The following STAU2 variants were observed in gnomAD, a reference collection of about 807,000 sequenced individuals.
STAU2 encodes double-stranded RNA-binding protein Staufen homolog 2.
STAU2 carries 20 observed loss-of-function variants against 65.9 expected under a neutral mutation model. The observed-to-expected ratio is 0.30, with a 90% CI of 0.21 to 0.44. The LOEUF (loss-of-function observed/expected upper bound fraction) is 0.44, where lower values mean the gene tolerates loss of function less well. STAU2 is among the 20% of genes least tolerant of loss of function. The pLI, the probability that STAU2 is intolerant of heterozygous loss-of-function variation, is 1.00. For synonymous variants in STAU2, 232 were observed against 233.9 expected, an observed-to-expected ratio of 0.99 and a Z score of 0.07; for missense variants, 558 against 683.9, an observed-to-expected ratio of 0.82 and a Z score of 2.05.
intron 13 of STAU2, among the ~76,000 whole-genome samples, chr8:73,498,178 C>T (rs922043767): frequency 7.9e-5 from 12 of 151,810 alleles, no homozygotes; most frequent in African/African-American, 2.4e-4. Context: ...AAAAGGTAAA[C>T]ATTATTGCTA....
At chr8:73,736,648 C>A (rs1806451023) in intron 3 of STAU2, among the ~76,000 whole-genome samples, 2 of 152,030 alleles carry the variant, frequency 1.3e-5, no homozygotes, top group Non-Finnish European at 2.9e-5. Flanking sequence ...AACTGAAGCA[C>A]TGAGATTATT....
chr8:73,450,469 G>A (rs558679731), intron 13 of STAU2, among the ~76,000 whole-genome samples: 1 of 152,232 alleles, frequency 6.6e-6, no homozygotes, highest in East Asian at 1.9e-4. Context: ...TCCAAGGAGA[G>A]GAAACTAAAG....
At chr8:73,639,414 A>G (rs1814791995) in intron 6 of STAU2, among the ~76,000 whole-genome samples, 1 of 152,102 alleles carries the variant, frequency 6.6e-6, no homozygotes, top group Non-Finnish European at 1.5e-5. Context: ...ATTTATTACC[A>G]AAACATCTGG....
At chr8:73,495,189 A>C (rs1449991495) in intron 13 of STAU2, among the ~76,000 whole-genome samples, 1 of 151,532 alleles carries the variant, frequency 6.6e-6, no homozygotes, top group African/African-American at 2.4e-5. Flanking sequence ...GTAATGCAAA[A>C]ATATCATGTA....
chr8:73,516,490 A>C (rs1162624867), intron 13 of STAU2, among the ~76,000 whole-genome samples: 1 of 152,192 alleles, frequency 6.6e-6, no homozygotes, highest in Non-Finnish European at 1.5e-5. Context: ...AATTAACTAA[A>C]GGGTATTTAA....
At chr8:73,647,565 C>T (rs1801941093) in intron 6 of STAU2, among the ~76,000 whole-genome samples, 1 of 150,402 alleles carries the variant, frequency 6.6e-6, no homozygotes, top group African/African-American at 2.4e-5. Flanking sequence ...TTTGTGGTGA[C>T]AGAATAATTC....
Position 73,552,336 on chromosome 8 carries a change from G to A in STAU2, c.1223-17C>T, listed in dbSNP as rs1162970796. On this transcript the variant is annotated splice_polypyrimidine_tract_variant and intron_variant, in intron 12 of 14. Coordinates refer to ENST00000524300, the MANE Select transcript of STAU2 (RefSeq NM_001164380.2). ...CTTTTGGAGCTATAAATAAAATGAA[G>A]AACACTGTTATTACACTTAAAATAA... The A allele has an allele frequency of 6.3e-7, 1 of 1,599,448 alleles. No homozygotes were observed. Among genetic ancestry groups the A allele is most frequent in the East Asian group, 2.2e-5 (1 of 44,570 alleles).
intron 3 of STAU2, among the ~76,000 whole-genome samples, chr8:73,721,754 T>C (rs1457802170): frequency 6.6e-6 from 1 of 152,216 alleles, no homozygotes; most frequent in Non-Finnish European, 1.5e-5. Flanking sequence ...TACCATATTA[T>C]ATCTTTTCCC....
intron 13 of STAU2, among the ~76,000 whole-genome samples, chr8:73,515,332 C>T (rs577934010): frequency 2.0e-5 from 3 of 152,214 alleles, no homozygotes; most frequent in African/African-American, 4.8e-5. Context: ...ACAATTGGCA[C>T]GACAGTATCA....
At chr8:73,644,360 A>G (rs564331219) in intron 6 of STAU2, among the ~76,000 whole-genome samples, 2 of 152,188 alleles carry the variant, frequency 1.3e-5, no homozygotes, top group African/African-American at 4.8e-5. Context: ...CAGAAGGATC[A>G]CTTGAGCCCA....
intron 6 of STAU2, among the ~76,000 whole-genome samples, chr8:73,628,124 G>A (rs1482570852): frequency 2.0e-5 from 3 of 151,754 alleles, no homozygotes; most frequent in Non-Finnish European, 1.5e-5. Context: ...ACCCAGGCTG[G>A]AGTGCAGAGC....
intron 13 of STAU2, among the ~76,000 whole-genome samples, chr8:73,476,046 C>T (rs1260368006): frequency 6.6e-6 from 1 of 152,026 alleles, no homozygotes; most frequent in Non-Finnish European, 1.5e-5. Context: ...TTAGCTAACA[C>T]CAGTTTAGAA....
At chr8:73,729,411 T>C (rs1244275033) in intron 3 of STAU2, among the ~76,000 whole-genome samples, 2 of 152,364 alleles carry the variant, frequency 1.3e-5, no homozygotes, top group Middle Eastern at 3.4e-3. Context: ...GTAATAATAC[T>C]GGCCTCAAAG....
chr8:73,622,343 G>A (rs1031421228), intron 6 of STAU2, among the ~76,000 whole-genome samples: 5 of 151,942 alleles, frequency 3.3e-5, no homozygotes, highest in Non-Finnish European at 7.4e-5. Flanking sequence ...AGCCAGGATC[G>A]TCTCAATCTC....
chr8:73,471,468 A>G (rs2128905891), intron 13 of STAU2, among the ~76,000 whole-genome samples: 1 of 150,298 alleles, frequency 6.7e-6, no homozygotes. Flanking sequence ...GATTACAGGC[A>G]TGAACTACTG....
At chr8:73,534,821 T>C (rs2076269726) in intron 13 of STAU2, among the ~76,000 whole-genome samples, 1 of 152,230 alleles carries the variant, frequency 6.6e-6, no homozygotes, top group Admixed American at 6.5e-5. Context: ...ACCAGTGTTT[T>C]AGTTGATGCA....
chr8:73,714,054 C>G (rs1247744439), intron 3 of STAU2, among the ~76,000 whole-genome samples: 1 of 152,144 alleles, frequency 6.6e-6, no homozygotes, highest in African/African-American at 2.4e-5. Flanking sequence ...CAGGCATGCA[C>G]CACCACGCCC....
intron 13 of STAU2, among the ~76,000 whole-genome samples, chr8:73,517,140 G>T (rs1822779245): frequency 6.6e-6 from 1 of 152,274 alleles, no homozygotes; most frequent in African/African-American, 2.4e-5. Flanking sequence ...AAACTGGGCA[G>T]GCATGATGGC....
At chr8:73,554,846 G>A (rs929866807) in intron 12 of STAU2, among the ~76,000 whole-genome samples, 6 of 152,082 alleles carry the variant, frequency 3.9e-5, no homozygotes, top group South Asian at 2.1e-4. Context: ...CCTACTTATC[G>A]CTCTATCTTC....
Sources: allele counts gnomAD v4.1 joint callset (sites outside exome capture counted in the v4.1 genomes callset), GRCh38; gene constraint gnomAD v4.1.1; transcripts MANE v1.5; gene names NCBI Gene and HGNC (gene_info 2026-07-23, HGNC 2026-07-21).